The following ATR variants were observed in gnomAD, a reference collection of about 807,000 sequenced individuals.
The protein encoded by ATR is serine/threonine-protein kinase ATR.
Under a neutral mutation model 305.3 loss-of-function variants are expected in ATR, and 142 were observed. That is an observed-to-expected ratio of 0.47 (90% CI 0.41 to 0.53). The LOEUF is 0.53. Ranked by LOEUF, ATR falls within the 20% of genes least tolerant of loss-of-function variation. ATR has a pLI of 0.00. For synonymous variants in ATR, 1,050 were observed against 1,068.1 expected, an observed-to-expected ratio of 0.98 and a Z score of 0.33; for missense variants, 2,135 against 3,133.1, an observed-to-expected ratio of 0.68 and a Z score of 7.60.
rs373154652 is a variant in ATR, at chr3:142,449,422, T to C, written c.*7A>G. 6.3e-7 allele frequency: 1 copy of C among 1,595,630 alleles called. No individual in the cohort carries two copies. Among genetic ancestry groups the C allele is most frequent in the East Asian group, 2.2e-5 (1 of 44,764 alleles). ...ATTATTAACATATTCTTTTACATAATTTCATTTCACATATATGGAGTCCAA... is the reference window on the plus strand; with the variant it reads ...ATTATTAACATATTCTTTTACATAACTTCATTTCACATATATGGAGTCCAA... On this transcript the variant is annotated 3_prime_UTR_variant, in exon 47 of 47. Transcript: ENST00000350721.
intron 15 of ATR, among the ~76,000 whole-genome samples, chr3:142,549,156 C>T (rs997718658): frequency 6.6e-6 from 1 of 152,120 alleles, no homozygotes; most frequent in Non-Finnish European, 1.5e-5. Flanking sequence ...ATTGCCTCTT[C>T]CTATGGATAT....
At position 142,528,854 on chromosome 3, in the gene ATR, C is replaced by CATATAT. The variant is rs1191100552; in HGVS notation, c.3946-4661_3946-4656dup. Among the ~76,000 whole-genome samples the CATATAT allele has an allele frequency of 2.2e-3, 143 of 65,696 alleles. 1 individual carries two copies. Among genetic ancestry groups the CATATAT allele is most frequent in the African/African-American group, 5.4e-3 (53 of 9,846 alleles). The allele number at this position is 65,696 out of a possible 152,430, so 43.1% of individuals were successfully genotyped here. On this transcript the variant is annotated intron_variant, in intron 21 of 46. Transcript: ENST00000350721. Reference sequence around the variant, plus strand: ...GTTTATACTTTTGTTCTGGAATTATCATATATATATATATATATATATATA... The same window carrying CATATAT: ...GTTTATACTTTTGTTCTGGAATTATCATATATATATATATATATATATATATATATA...
chr3:142,535,968 C>T, intron 20 of ATR, 140 bp downstream of exon 20: 1 of 646,256 alleles, frequency 1.5e-6, no homozygotes, highest in South Asian at 1.9e-5. Context: ...GTAGCATTAT[C>T]TACTCACCAG....
At chr3:142,560,600 T>A (rs1304881270) in intron 5 of ATR, 146 bp from the exon 6 acceptor site, 1 of 637,442 alleles carries the variant, frequency 1.6e-6, no homozygotes, top group Non-Finnish European at 2.6e-6. Flanking sequence ...TCACTCTGTC[T>A]CCCAGGCTGG....
At chr3:142,570,124 A>G (rs753966516) in intron 1 of ATR, among the ~76,000 whole-genome samples, 2 of 152,104 alleles carry the variant, frequency 1.3e-5, no homozygotes, top group Admixed American at 6.5e-5. Context: ...TCATCAGGTT[A>G]TATTTGTTGT....
intron 44 of ATR, among the ~76,000 whole-genome samples, chr3:142,458,403 C>T (rs781423361): frequency 6.6e-6 from 1 of 152,118 alleles, no homozygotes; most frequent in East Asian, 1.9e-4. Flanking sequence ...ACAAGGCAAC[C>T]TGTAGATGAT....
chr3:142,479,186 T>G (rs1200684226), intron 36 of ATR, among the ~76,000 whole-genome samples: 1 of 152,286 alleles, frequency 6.6e-6, no homozygotes, highest in Non-Finnish European at 1.5e-5. Context: ...CTAGCATCGA[T>G]GGTCTTTACA....
intron 2 of ATR, among the ~76,000 whole-genome samples, 174 bp downstream of exon 2, chr3:142,567,889 A>C (rs947105857): frequency 1.3e-5 from 2 of 152,248 alleles, no homozygotes; most frequent in Admixed American, 1.3e-4. Flanking sequence ...AGCCTAATTC[A>C]AATTTTGTAA....
intron 36 of ATR, among the ~76,000 whole-genome samples, chr3:142,484,430 C>T (rs1314225970): frequency 2.0e-5 from 3 of 152,248 alleles, no homozygotes; most frequent in African/African-American, 7.2e-5. Context: ...TGAAGAAGAC[C>T]TCATCCACGT....
intron 36 of ATR, among the ~76,000 whole-genome samples, chr3:142,474,914 T>A (rs574981275): frequency 1.3e-3 from 190 of 151,986 alleles, no homozygotes; most frequent in Admixed American, 1.8e-3. Flanking sequence ...TATTTTTTTT[T>A]TAAAAAAAGT....
intron 21 of ATR, among the ~76,000 whole-genome samples, chr3:142,527,898 C>T (rs934522469): frequency 6.6e-6 from 1 of 152,146 alleles, no homozygotes; most frequent in South Asian, 2.1e-4. Context: ...CCCAAACCTC[C>T]TAACCCTAGG....
intron 36 of ATR, among the ~76,000 whole-genome samples, chr3:142,472,829 G>A (rs1383821259): frequency 1.3e-5 from 2 of 151,886 alleles, no homozygotes; most frequent in Non-Finnish European, 2.9e-5. Context: ...TGTAGAGATG[G>A]GGGTTTCACC....
rs116298769 is a variant in ATR, at chr3:142,537,836, A to G, written c.3725+646T>C. ...GGAAAGAATAATGCATGTTCTGTCA[A>G]TAGTAATCCACACTGGCTATAGCCT... On this transcript the variant is annotated intron_variant, in intron 19 of 46. Transcript: ENST00000350721. Among the ~76,000 whole-genome samples the G allele has an allele frequency of 9.0e-3, 1,366 of 152,310 alleles. 21 individuals are homozygous for G. Among genetic ancestry groups the G allele is most frequent in the African/African-American group, 0.031 (1,292 of 41,580 alleles).
intron 20 of ATR, 76 bp from the exon 21 acceptor site, chr3:142,535,281 T>G: frequency 1.9e-6 from 3 of 1,566,092 alleles, no homozygotes; most frequent in Non-Finnish European, 2.6e-6. Context: ...CTGAATTCTC[T>G]ATATAGTTAC....
At chr3:142,461,151 T>C (rs2071017060) in intron 42 of ATR, among the ~76,000 whole-genome samples, 1 of 152,162 alleles carries the variant, frequency 6.6e-6, no homozygotes, top group African/African-American at 2.4e-5. Context: ...AAAGTTACTA[T>C]ACTTTTCCCT....
At chr3:142,477,869 C>T (rs1344222088) in intron 36 of ATR, among the ~76,000 whole-genome samples, 5 of 152,052 alleles carry the variant, frequency 3.3e-5, no homozygotes, top group African/African-American at 7.2e-5. Flanking sequence ...GATTTTCTAG[C>T]TTATTTGCAT....
At chr3:142,537,411 T>C (rs1347924804) in intron 19 of ATR, among the ~76,000 whole-genome samples, 1 of 152,018 alleles carries the variant, frequency 6.6e-6, no homozygotes, top group African/African-American at 2.4e-5. Context: ...ATGAGAAAGG[T>C]AGAGAAATGA....
At chr3:142,454,741 C>T (rs371239077) in intron 45 of ATR, among the ~76,000 whole-genome samples, 6 of 152,126 alleles carry the variant, frequency 3.9e-5, no homozygotes, top group East Asian at 1.9e-4. Flanking sequence ...GCGCCCGGCC[C>T]GATAGACAGC....
chr3:142,498,870 C>A, intron 31 of ATR, 96 bp from the exon 32 acceptor site: 1 of 1,200,488 alleles, frequency 8.3e-7, no homozygotes. Context: ...AAATATCAAA[C>A]AGGTGGCTTC....
Sources: gnomAD v4.1 joint callset for allele counts (sites outside exome capture counted in the v4.1 genomes callset) on GRCh38, gnomAD v4.1.1 for gene constraint, MANE v1.5 for transcripts, NCBI Gene and HGNC (gene_info 2026-07-23, HGNC 2026-07-21) for gene names.